Variants in KCNC3 observed in about 807,000 individuals in gnomAD.
KCNC3 encodes the protein potassium voltage-gated channel subfamily C member 3, also known as voltage-gated potassium channel KCNC3.
In KCNC3, 22 loss-of-function variants were observed where a neutral mutation model predicts 43.9. The ratio of observed to expected loss-of-function variants is 0.50; its 90% CI spans 0.36 to 0.72. The LOEUF is 0.72. KCNC3 is among the 30% of genes least tolerant of loss of function. KCNC3 has a pLI of 0.00. For synonymous variants in KCNC3, 492 were observed against 488.0 expected (o/e 1.01, Z -0.11); for missense variants, 829 against 1,073.8 (o/e 0.77, Z 3.19).
At chr19:50,332,479 G>A (rs931820756), upstream of KCNC3, among the ~76,000 whole-genome samples, 1 of 152,054 alleles carries the variant, frequency 6.6e-6, no homozygotes, top group Admixed American at 6.5e-5. The surrounding 1 kb of genome is among the most constrained non-coding windows in gnomAD (Gnocchi z 5.8). Context: ...AGGCTGGTCC[G>A]TCCACATTCC....
Position 50,323,443 on chromosome 19 carries a change from G to A in KCNC3, c.1510C>T (p.Leu504=). Residue 504 remains leucine, a synonymous_variant, in exon 2 of 5, where the codon CTG becomes TTG. Transcript: ENST00000477616. ...FWWAVVTMTT[L]GYGDMYPKTW... The stretch of plus-strand genomic sequence containing the variant: ...TTGGGGTACATGTCTCCATAGCCCA[G>A]GGTCGTCATGGTGACCACAGCCCAC... The A allele has an allele frequency of 1.2e-6, 2 of 1,614,222 alleles. No individual in the cohort carries two copies. The highest frequency in any genetic ancestry group is 1.7e-6 in the Non-Finnish European group (2 of 1,180,050).
At chr19:50,325,420 C>T (rs1252296384) in intron 1 of KCNC3, among the ~76,000 whole-genome samples, 2 of 152,040 alleles carry the variant, frequency 1.3e-5, no homozygotes, top group Admixed American at 6.5e-5. Context: ...GGCCAAGGGC[C>T]AGCACTGTCC....
Position 50,314,702 on chromosome 19 carries a change from G to C in KCNC3, c.*1413C>G. 1 of 434,782 alleles carries C rather than the reference G, an allele frequency of 2.3e-6. No homozygotes were observed. The highest frequency in any genetic ancestry group is 2.5e-5 in the Admixed American group (1 of 40,430). 26.9% of individuals were successfully genotyped at this position (434,782 alleles called of 1,614,324 possible). ...GGCCCAGGTTGGGGGTGAGGGGCCC[G>C]GGGGTGTCTGCTGGCATCGTCATCT... On this transcript the variant is annotated 3_prime_UTR_variant, in exon 5 of 5. Coordinates refer to ENST00000477616, the MANE Select transcript of KCNC3 (RefSeq NM_004977.3).
intron 4 of KCNC3, among the ~76,000 whole-genome samples, chr19:50,317,623 G>C (rs903448721): frequency 6.6e-6 from 1 of 152,008 alleles, no homozygotes; most frequent in African/African-American, 2.4e-5. Context: ...CTCTCCCCTT[G>C]GCCACTGGGA....
chr19:50,316,711 G>A (rs1328534894), intron 4 of KCNC3, among the ~76,000 whole-genome samples: 1 of 152,098 alleles, frequency 6.6e-6, no homozygotes, highest in Non-Finnish European at 1.5e-5. Context: ...ACTCCAGCCT[G>A]GGCGACAGAG....
In KCNC3 at chr19:50,321,507, C is replaced by T. The variant is rs766909825; in HGVS notation, c.1979-723G>A. On this transcript the variant is annotated intron_variant, in intron 2 of 4. Transcript: ENST00000477616. ...AAAAGATGCCAGGCGTGGTGGCTTA[C>T]GCCTGTAATCCCAGCACTTTGGGAG... Among the ~76,000 whole-genome samples the T allele has an allele frequency of 1.2e-4, 18 of 151,792 alleles. 1 individual carries two copies. Among genetic ancestry groups the T allele is most frequent in the Admixed American group, 5.9e-4 (9 of 15,252 alleles).
At position 50,323,386 on chromosome 19, in the gene KCNC3, A is replaced by G. The variant is rs754486329; in HGVS notation, c.1567T>C (p.Cys523Arg). Residue 523 changes from cysteine to arginine, a missense_variant, in exon 2 of 5, where the codon TGT (cysteine) becomes CGT (arginine). By Grantham distance (180) the Cys-to-Arg change is radical. Transcript: ENST00000477616. ...TWSGMLVGAL[C>R]ALAGVLTIAM... ...ATGGTCAGCACCCCCGCCAGGGCACACAGCGCCCCGACCAGCATCCCCGAC... is the reference window on the plus strand; with the variant it reads ...ATGGTCAGCACCCCCGCCAGGGCACGCAGCGCCCCGACCAGCATCCCCGAC... 1 of 1,614,192 alleles carries G rather than the reference A, an allele frequency of 6.2e-7. No individual in the cohort carries two copies. The highest frequency in any genetic ancestry group is 8.5e-7 in the Non-Finnish European group (1 of 1,180,036).
Position 50,315,069 on chromosome 19 carries a change from A to C in KCNC3, c.*1046T>G, listed in dbSNP as rs2036929992. The stretch of plus-strand genomic sequence containing the variant: ...AGGGAAGGGTCAGACAGAGAGACCC[A>C]AGGCAGGGAGAAAGAGACAGAGAGA... On this transcript the variant is annotated 3_prime_UTR_variant, in exon 5 of 5. Transcript: ENST00000477616. 1 of 197,452 alleles carries C rather than the reference A, an allele frequency of 5.1e-6. No homozygotes were observed. The highest frequency in any genetic ancestry group is 1.8e-4 in the East Asian group (1 of 5,538). 12.2% of individuals were successfully genotyped at this position (197,452 alleles called of 1,614,324 possible). A position where few individuals can be genotyped will look rare whatever the true frequency, so the allele number is the denominator to read the frequency against.
In KCNC3 at chr19:50,320,239, T is replaced by A; in HGVS notation, c.*7A>T. 1 of 358,002 alleles carries A rather than the reference T, an allele frequency of 2.8e-6. No homozygotes were observed. 22.2% of individuals were successfully genotyped at this position (358,002 alleles called of 1,614,324 possible). A position where few individuals can be genotyped will look rare whatever the true frequency, so the allele number is the denominator to read the frequency against. On this transcript the variant is annotated 3_prime_UTR_variant, in exon 4 of 5. Transcript: ENST00000477616. Reference sequence around the variant, plus strand: ...GCTACTTACCCCGGGGGGAGGGGGTTCGTCCACTAGGGGGATATCCAGGCC... The same window carrying A: ...GCTACTTACCCCGGGGGGAGGGGGTACGTCCACTAGGGGGATATCCAGGCC...
chr19:50,323,504 G>A lies in KCNC3; in HGVS notation c.1449C>T (p.Asn483=). 6.2e-7 allele frequency: 1 copy of A among 1,614,228 alleles called. No individual in the cohort carries two copies. Among genetic ancestry groups the A allele is most frequent in the Non-Finnish European group, 8.5e-7 (1 of 1,180,036 alleles). The part of the protein sequence containing the change: ...GADPDDILGS[N]HTYFKNIPIG... ...TGGGGATGTTCTTGAAGTAGGTGTGGTTGGAGCCCAGGATGTCATCGGGGT... is the reference window on the plus strand; with the variant it reads ...TGGGGATGTTCTTGAAGTAGGTGTGATTGGAGCCCAGGATGTCATCGGGGT... The change falls in exon 2 of 5, where the codon AAC becomes AAT. Residue 483 remains asparagine (N), a synonymous_variant. Transcript: ENST00000477616.
rs977646187 is a variant in KCNC3 at position 50,323,079 on chromosome 19, CT to C, written c.1873del (p.Arg625GlyfsTer29). 3.9e-6 allele frequency: 6 copies of C among 1,539,904 alleles called. No individual in the cohort carries two copies. The highest frequency in any genetic ancestry group is 2.7e-5 in the African/African-American group (2 of 72,906). Reference protein sequence around the residue: ...AGPHTHPGLLRGGAGGLGIMG... With the variant: ...AGPHTHPGLLXGGAGGLGIMG... The stretch of plus-strand genomic sequence containing the variant: ...GATCCCCAGCCCACCCGCTCCCCCC[CT>C]GAGCAGCCCGGGGTGCGTGTGGGGC... On this transcript the variant is annotated frameshift_variant, in exon 2 of 5. Coordinates refer to ENST00000477616, the MANE Select transcript of KCNC3 (RefSeq NM_004977.3). LOFTEE classifies it high-confidence loss of function.
At position 50,324,115 on chromosome 19, in the gene KCNC3, G is replaced by C; in HGVS notation, c.871-33C>G. On this transcript the variant is annotated intron_variant, in intron 1 of 4. Coordinates refer to ENST00000477616, the MANE Select transcript of KCNC3 (RefSeq NM_004977.3). The surrounding 1 kb of genome is among the most constrained non-coding windows in gnomAD (Gnocchi z 4.1). ...GCAGGGAGGGAGAGAGAGGGGGAGAGGTGACCTAGGCATCAGGTTGGCCAT... is the reference window on the plus strand; with the variant it reads ...GCAGGGAGGGAGAGAGAGGGGGAGACGTGACCTAGGCATCAGGTTGGCCAT... The C allele has an allele frequency of 6.4e-7, 1 of 1,553,314 alleles. No homozygotes were observed. Among genetic ancestry groups the C allele is most frequent in the African/African-American group, 1.4e-5 (1 of 73,266 alleles).
chr19:50,328,956 G>A lies in KCNC3; in HGVS notation c.127C>T (p.Pro43Ser), dbSNP rs928573902. The A allele has an allele frequency of 2.4e-4, 215 of 877,572 alleles. No homozygotes were observed. The African/African-American group carries it at 3.5e-3, about 14-fold the overall frequency. The allele number at this position is 877,572 out of a possible 1,614,324, so 54.4% of individuals were successfully genotyped here. ...GACGCGGCGGGGCCGGGCTGCGCAGGCTGCTGCTGCTGCGGCGGCAGCGGT... is the reference window on the plus strand; with the variant it reads ...GACGCGGCGGGGCCGGGCTGCGCAGACTGCTGCTGCTGCGGCGGCAGCGGT... Reference protein sequence around the residue: ...PPPLPPQQQQPAQPGPAASPA... With the variant: ...PPPLPPQQQQSAQPGPAASPA... The change falls in exon 1 of 5, where the codon CCT (proline) becomes TCT (serine). Residue 43 changes from proline to serine, a missense_variant. By Grantham distance (74) the Pro-to-Ser change is moderately conservative (BLOSUM62 -1). Around this residue, in one of 7 missense-constraint regions of KCNC3, gnomAD observed 129 missense variants for 83.6 expected, o/e 1.54. Coordinates refer to ENST00000477616, the MANE Select transcript of KCNC3 (RefSeq NM_004977.3).
Position 50,328,970 on chromosome 19 carries a change from G to T in KCNC3, c.113C>A (p.Pro38Gln). The part of the protein sequence containing the change: ...PESPPPPPLP[P>Q]QQQQPAQPGP... ...GGGCTGCGCAGGCTGCTGCTGCTGC[G>T]GCGGCAGCGGTGGCGGCGGCGGGGA... is the stretch of plus-strand genomic sequence containing the variant. Residue 38 changes from proline to glutamine, a missense_variant, in exon 1 of 5, where the codon CCG becomes CAG. Around this residue, in one of 7 missense-constraint regions of KCNC3, gnomAD observed 129 missense variants for 83.6 expected, o/e 1.54. Transcript: ENST00000477616. The T allele has an allele frequency of 1.0e-6, 1 of 996,386 alleles. No homozygotes were observed. The highest frequency in any genetic ancestry group is 4.4e-5 in the East Asian group (1 of 22,596). The allele number at this position is 996,386 out of a possible 1,614,324, so 61.7% of individuals were successfully genotyped here. A position where few individuals can be genotyped will look rare whatever the true frequency, so the allele number is the denominator to read the frequency against.
chr19:50,318,926 G>A (rs545696118), intron 4 of KCNC3, among the ~76,000 whole-genome samples: 113 of 149,836 alleles, frequency 7.5e-4, no homozygotes, highest in African/African-American at 2.7e-3. Context: ...TCCAGGAGGC[G>A]GAGGTTGCAG....
rs1220720498 is a variant in KCNC3, at chr19:50,323,020, G to C, written c.1933C>G (p.Pro645Ala). 3 of 1,546,952 alleles carry C rather than the reference G, an allele frequency of 1.9e-6. No homozygotes were observed. In the Admixed American group the frequency reaches 5.9e-5, roughly 30 times the overall value. ...GLPPLPAPGE[P>A]CPLAQEEVIE... Reference sequence around the variant, plus strand: ...ACCTCCTCCTGAGCCAACGGGCAAGGCTCGCCGGGGGCTGGCAGAGGAGGC... The same window carrying C: ...ACCTCCTCCTGAGCCAACGGGCAAGCCTCGCCGGGGGCTGGCAGAGGAGGC... The change falls in exon 2 of 5, where the codon CCT becomes GCT. Residue 645 changes from proline (P) to alanine (A), a missense_variant. By Grantham distance (27) the Pro-to-Ala change is conservative. This residue lies in a region of KCNC3 where 308 missense variants were observed against 276.2 expected (regional missense o/e 1.11). Transcript: ENST00000477616.
chr19:50,316,250 G>T (rs570958890), intron 4 of KCNC3, among the ~76,000 whole-genome samples, 159 bp from the exon 5 acceptor site: 1 of 151,640 alleles, frequency 6.6e-6, no homozygotes, highest in Admixed American at 6.6e-5. Flanking sequence ...AATGGGGGGC[G>T]GCTGAGACAT....
chr19:50,314,714 T>C lies in KCNC3; in HGVS notation c.*1401A>G. 2.3e-6 allele frequency: 1 copy of C among 441,028 alleles called. No homozygotes were observed. The highest frequency in any genetic ancestry group is 1.6e-5 in the South Asian group (1 of 63,672). 27.3% of individuals were successfully genotyped at this position (441,028 alleles called of 1,614,324 possible). ...GGGTGAGGGGCCCGGGGGTGTCTGC[T>C]GGCATCGTCATCTCGGTTGCATATT... On this transcript the variant is annotated 3_prime_UTR_variant, in exon 5 of 5. Coordinates refer to ENST00000477616, the MANE Select transcript of KCNC3 (RefSeq NM_004977.3).
At chr19:50,330,918 C>A (rs1256059849), upstream of KCNC3, among the ~76,000 whole-genome samples, 1 of 151,332 alleles carries the variant, frequency 6.6e-6, no homozygotes, top group Non-Finnish European at 1.5e-5. Context: ...GCTGGGGCTG[C>A]GGAGGGAGGA....
Sources: allele counts gnomAD v4.1 joint callset (sites outside exome capture counted in the v4.1 genomes callset), GRCh38; gene constraint gnomAD v4.1.1; regional missense constraint gnomAD v4.1.1; non-coding constraint Gnocchi (gnomAD v3.1); transcripts MANE v1.5; gene names NCBI Gene and HGNC (gene_info 2026-07-23, HGNC 2026-07-21).